Variants in BRINP3 observed in about 807,000 individuals in gnomAD.
BRINP3 encodes the protein BMP/retinoic acid inducible neural specific 3, also known as BMP/retinoic acid-inducible neural-specific protein 3.
A neutral mutation model predicts 71.0 loss-of-function variants in BRINP3; 19 were observed. The observed-to-expected ratio is 0.27, with a 90% CI of 0.19 to 0.39. The LOEUF (loss-of-function observed/expected upper bound fraction) is 0.39. Among genes scored for constraint, BRINP3 ranks in the 10% least tolerant of loss-of-function variants. The pLI is 1.00. For missense variants in BRINP3, 959 were observed against 940.8 expected, an observed-to-expected ratio of 1.02 and a Z score of -0.25; for synonymous variants, 380 against 337.7, an observed-to-expected ratio of 1.13 and a Z score of -1.37.
At chr1:190,274,309 G>T (rs897924660) in intron 3 of BRINP3, among the ~76,000 whole-genome samples, 1 of 150,116 alleles carries the variant, frequency 6.7e-6, no homozygotes, top group Non-Finnish European at 1.5e-5. Flanking sequence ...ATTTTATTTC[G>T]CGATTGCCAC....
At chr1:190,449,163 A>G (rs1675435502) in intron 2 of BRINP3, among the ~76,000 whole-genome samples, 2 of 152,006 alleles carry the variant, frequency 1.3e-5, no homozygotes, top group Admixed American at 1.3e-4. Flanking sequence ...AATATTTACT[A>G]TTTTTCACTA....
chr1:190,375,546 T>C (rs563130140), intron 2 of BRINP3, among the ~76,000 whole-genome samples: 1 of 152,056 alleles, frequency 6.6e-6, no homozygotes, highest in East Asian at 1.9e-4. Flanking sequence ...GCATATCTAA[T>C]TTATAAAAAT....
At position 190,098,444 on chromosome 1, in the gene BRINP3, T is replaced by C. The variant is rs533381161; in HGVS notation, c.1875A>G (p.Val625=). 3 of 1,614,184 alleles carry C rather than the reference T, an allele frequency of 1.9e-6. No homozygotes were observed. In the African/African-American group the frequency reaches 4.0e-5, roughly 22 times the overall value. The change falls in exon 8 of 8, where the codon GTA becomes GTG. Residue 625 remains valine, a synonymous_variant. Coordinates refer to ENST00000367462, the MANE Select transcript of BRINP3 (RefSeq NM_199051.3). ...TGATGCGACTTCTCAGGTAGATGTG[T>C]ACTGTCTCAAAAAATGTCTTCCATT... ...GNKWKTFFET[V]HIYLRSRIKS...
At chr1:190,173,622 C>G (rs1002523544) in intron 6 of BRINP3, among the ~76,000 whole-genome samples, 1 of 152,020 alleles carries the variant, frequency 6.6e-6, no homozygotes, top group East Asian at 1.9e-4. Flanking sequence ...TCTCAAGAAC[C>G]CTTTACATTC....
At chr1:190,284,682 T>A (rs1663286338) in intron 2 of BRINP3, among the ~76,000 whole-genome samples, 1 of 152,014 alleles carries the variant, frequency 6.6e-6, no homozygotes, top group African/African-American at 2.4e-5. Flanking sequence ...TATGTTAAAT[T>A]TGTAGTCTCA....
intron 7 of BRINP3, among the ~76,000 whole-genome samples, chr1:190,119,902 C>T (rs1338607309): frequency 1.3e-5 from 2 of 152,178 alleles, no homozygotes; most frequent in East Asian, 3.9e-4. Flanking sequence ...AGGGGTGTGG[C>T]CAGAGCCATA....
intron 2 of BRINP3, chr1:190,342,593 G>A (rs961652633): frequency 1.3e-5 from 2 of 151,182 alleles, no homozygotes; most frequent in African/African-American, 4.8e-5. Flanking sequence ...TATTAGGGAT[G>A]TAAGATTTTT....
At chr1:190,352,635 C>T (rs1668463298) in intron 2 of BRINP3, among the ~76,000 whole-genome samples, 1 of 151,986 alleles carries the variant, frequency 6.6e-6, no homozygotes, top group African/African-American at 2.4e-5. Context: ...AATGCTAAAA[C>T]ATATTTATAT....
rs1233843149 is a variant in BRINP3, at chr1:190,175,014, C to T, written c.962-14124G>A. On this transcript the variant is annotated intron_variant, in intron 6 of 7. Coordinates refer to ENST00000367462, the MANE Select transcript of BRINP3 (RefSeq NM_199051.3). ...ATCCTTTGTGAAGAACCCTGAGAGCCAGTCATAAAAGATATAAATGATACT... is the reference window on the plus strand; with the variant it reads ...ATCCTTTGTGAAGAACCCTGAGAGCTAGTCATAAAAGATATAAATGATACT... Among the ~76,000 whole-genome samples the T allele has an allele frequency of 2.0e-5, 3 of 152,182 alleles. No homozygotes were observed. In the East Asian group the frequency reaches 5.8e-4, roughly 29 times the overall value.
chr1:190,337,560 C>A (rs569608389), intron 2 of BRINP3, among the ~76,000 whole-genome samples: 1 of 152,078 alleles, frequency 6.6e-6, no homozygotes, highest in South Asian at 2.1e-4. Flanking sequence ...ATGCTTCCTG[C>A]CCTCGAACAT....
At chr1:190,216,638 A>G (rs779077911) in intron 6 of BRINP3, among the ~76,000 whole-genome samples, 3 of 151,922 alleles carry the variant, frequency 2.0e-5, no homozygotes, top group Non-Finnish European at 4.4e-5. Flanking sequence ...AATCAAATAT[A>G]AAATGGCTTA....
At chr1:190,183,845 C>T (rs1653263886) in intron 6 of BRINP3, among the ~76,000 whole-genome samples, 1 of 152,070 alleles carries the variant, frequency 6.6e-6, no homozygotes, top group South Asian at 2.1e-4. Flanking sequence ...AAGGCAGAAA[C>T]CCAGACTCCC....
chr1:190,151,163 G>T (rs1656359922), intron 7 of BRINP3, among the ~76,000 whole-genome samples: 1 of 151,804 alleles, frequency 6.6e-6, no homozygotes, highest in South Asian at 2.1e-4. Flanking sequence ...AAAGAAAAAA[G>T]AAAAAATGAT....
intron 1 of BRINP3, among the ~76,000 whole-genome samples, chr1:190,465,934 T>C (rs1676716017): frequency 6.6e-6 from 1 of 151,912 alleles, no homozygotes; most frequent in African/African-American, 2.4e-5. Context: ...TAGGTGCAGA[T>C]ATCAAGATTT....
At chr1:190,431,717 G>GA (rs1273961094) in intron 2 of BRINP3, among the ~76,000 whole-genome samples, 1 of 151,848 alleles carries the variant, frequency 6.6e-6, no homozygotes, top group African/African-American at 2.4e-5. Flanking sequence ...CACTTCAAAT[G>GA]AAAAAAATCC....
intron 2 of BRINP3, among the ~76,000 whole-genome samples, chr1:190,406,049 TAGAA>T (rs1312401191): frequency 6.6e-6 from 1 of 152,206 alleles, no homozygotes; most frequent in African/African-American, 2.4e-5. Flanking sequence ...TTATCTGCAT[TAGAA>T]AGAGTCATGC....
intron 7 of BRINP3, among the ~76,000 whole-genome samples, chr1:190,134,226 C>T (rs766655341): frequency 1.3e-5 from 2 of 151,700 alleles, no homozygotes; most frequent in Non-Finnish European, 2.9e-5. Context: ...CAACTGAAAG[C>T]CAAATGATTA....
At chr1:190,258,062 T>A (rs1660829346) in intron 4 of BRINP3, among the ~76,000 whole-genome samples, 1 of 152,228 alleles carries the variant, frequency 6.6e-6, no homozygotes, top group African/African-American at 2.4e-5. Context: ...TTCTGCTGCC[T>A]TTTGTTCAGC....
At chr1:190,152,069 C>T (rs1396550211) in intron 7 of BRINP3, among the ~76,000 whole-genome samples, 1 of 152,004 alleles carries the variant, frequency 6.6e-6, no homozygotes, top group African/African-American at 2.4e-5. Flanking sequence ...CCAAAAAGGG[C>T]TGTAGTATTC....
Sources: allele counts gnomAD v4.1 joint callset (sites outside exome capture counted in the v4.1 genomes callset), GRCh38; gene constraint gnomAD v4.1.1; transcripts MANE v1.5; gene names NCBI Gene and HGNC (gene_info 2026-07-23, HGNC 2026-07-21).